The following AKAP13 variants were observed in gnomAD, a reference collection of about 807,000 sequenced individuals.
The protein encoded by AKAP13 is A-kinase anchor protein 13.
A neutral mutation model predicts 264.5 loss-of-function variants in AKAP13; 80 were observed. The observed-to-expected ratio is 0.30, with a 90% confidence interval of 0.25 to 0.36. The LOEUF (loss-of-function observed/expected upper bound fraction) is 0.36, where lower values mean the gene tolerates loss of function less well. Among genes scored for constraint, AKAP13 ranks in the 10% least tolerant of loss-of-function variants. The pLI is 1.00. For synonymous variants in AKAP13, 1,380 were observed against 1,250.2 expected (o/e 1.10, Z -2.19); for missense variants, 3,712 against 3,435.2 (o/e 1.08, Z -2.01).
chr15:85,482,119 G>A lies in AKAP13; in HGVS notation c.-11-3591G>A, dbSNP rs1173506262. Among the ~76,000 whole-genome samples, 11 of 152,322 alleles carry A rather than the reference G, an allele frequency of 7.2e-5. No homozygotes were observed. In the East Asian group the frequency reaches 1.9e-3, roughly 27 times the overall value. On this transcript the variant is annotated intron_variant, in intron 1 of 36. Transcript: ENST00000394518. ...GTTTAAATGTATAAAATAAGTTAATGCATTATATGCAGCGAGGTTTTGCAT... is the reference window on the plus strand; with the variant it reads ...GTTTAAATGTATAAAATAAGTTAATACATTATATGCAGCGAGGTTTTGCAT...
chr15:85,579,601 T>C lies in AKAP13; in HGVS notation c.1533T>C (p.Ser511=). 6.2e-7 allele frequency: 1 copy of C among 1,614,224 alleles called. No individual in the cohort carries two copies. Among genetic ancestry groups the C allele is most frequent in the Non-Finnish European group, 8.5e-7 (1 of 1,180,030 alleles). The change falls in exon 7 of 37, where the codon TCT becomes TCC. Residue 511 remains serine, a synonymous_variant. Coordinates refer to ENST00000394518, the MANE Select transcript of AKAP13 (RefSeq NM_007200.5). ...GESTKERFEN[S]NIGTAGASDV... is the part of the protein sequence containing the mutation. ...GTACAAAGGAAAGATTTGAGAACTC[T>C]AATATTGGCACAGCTGGAGCCTCTG... is the stretch of plus-strand genomic sequence containing the variant.
intron 1 of AKAP13, among the ~76,000 whole-genome samples, chr15:85,384,156 A>G (rs910299828): frequency 1.3e-5 from 2 of 152,222 alleles, no homozygotes; most frequent in African/African-American, 4.8e-5. Flanking sequence ...TATTTGATCA[A>G]ACTTACAGAT....
intron 8 of AKAP13, among the ~76,000 whole-genome samples, chr15:85,596,550 C>T (rs917899452): frequency 2.0e-5 from 3 of 151,980 alleles, no homozygotes; most frequent in African/African-American, 7.3e-5. Flanking sequence ...TGCCACTGCA[C>T]CCTAGTCTGG....
intron 10 of AKAP13, among the ~76,000 whole-genome samples, chr15:85,649,343 T>C (rs2082699067): frequency 6.6e-6 from 1 of 152,192 alleles, no homozygotes; most frequent in South Asian, 2.1e-4. Context: ...CCTGCTCTAA[T>C]AGCCAGTGAT....
intron 1 of AKAP13, among the ~76,000 whole-genome samples, chr15:85,422,535 G>A (rs2072571289): frequency 6.6e-6 from 1 of 152,216 alleles, no homozygotes. Flanking sequence ...AATTTGAACA[G>A]AGGTTTTTTG....
At chr15:85,628,292 C>T (rs996519688) in intron 8 of AKAP13, among the ~76,000 whole-genome samples, 1 of 152,142 alleles carries the variant, frequency 6.6e-6, no homozygotes, top group Admixed American at 6.6e-5. Context: ...ATTGCTGTAC[C>T]TTAACCTGGT....
intron 1 of AKAP13, among the ~76,000 whole-genome samples, chr15:85,414,333 A>G (rs2072130574): frequency 6.6e-6 from 1 of 152,212 alleles, no homozygotes; most frequent in Admixed American, 6.5e-5. Context: ...GTTTTTGAAA[A>G]TGAGGGACAA....
intron 30 of AKAP13, among the ~76,000 whole-genome samples, chr15:85,730,997 C>CT (rs71468134): frequency 0.26 from 15,018 of 57,838 alleles, 1,720 homozygotes; most frequent in African/African-American, 0.33. Flanking sequence ...GTCACTTATG[C>CT]TTTTTTTTTT....
At chr15:85,600,885 C>T (rs572694722) in intron 8 of AKAP13, among the ~76,000 whole-genome samples, 1 of 152,134 alleles carries the variant, frequency 6.6e-6, no homozygotes, top group Non-Finnish European at 1.5e-5. Flanking sequence ...GTGGGAAGAC[C>T]CTCTTACAAT....
At chr15:85,435,478 A>G (rs1209329568) in intron 1 of AKAP13, among the ~76,000 whole-genome samples, 3 of 91,542 alleles carry the variant, frequency 3.3e-5, no homozygotes, top group African/African-American at 1.4e-4. Context: ...CCACAAAGAT[A>G]CTCCTCGAGA....
chr15:85,537,684 A>G (rs1307623867), intron 4 of AKAP13, among the ~76,000 whole-genome samples: 1 of 152,234 alleles, frequency 6.6e-6, no homozygotes, highest in East Asian at 1.9e-4. Flanking sequence ...CATTGGAGTC[A>G]GTTTGTTTGC....
chr15:85,408,729 A>G (rs953361097), intron 1 of AKAP13, among the ~76,000 whole-genome samples: 2 of 151,924 alleles, frequency 1.3e-5, no homozygotes, highest in African/African-American at 2.4e-5. Context: ...TCATCCACCA[A>G]TGGACACTAG....
chr15:85,590,842 AATAT>A (rs1342470936), intron 8 of AKAP13, among the ~76,000 whole-genome samples: 3 of 152,144 alleles, frequency 2.0e-5, no homozygotes, highest in African/African-American at 7.2e-5. Context: ...TTAGTGAGTT[AATAT>A]ATATCAAGTA....
Position 85,579,831 on chromosome 15 carries a change from T to A in AKAP13, c.1763T>A (p.Val588Glu). 1 of 1,614,200 alleles carries A rather than the reference T, an allele frequency of 6.2e-7. No individual in the cohort carries two copies. The highest frequency in any genetic ancestry group is 1.7e-5 in the Admixed American group (1 of 60,024). Residue 588 changes from valine to glutamate, a missense_variant, in exon 7 of 37, where the codon GTG (valine) becomes GAG (glutamate). By Grantham distance (121) the Val-to-Glu change is moderately radical. Around this residue, in one of 3 missense-constraint regions of AKAP13, gnomAD observed 2,759 missense variants for 2,411.7 expected, o/e 1.14. Transcript: ENST00000394518. The stretch of plus-strand genomic sequence containing the variant: ...GCTCCAGTAGATCAGAATTCTGTGG[T>A]GATTCCAGCTGCTGCAAAAGACAAG... Reference protein sequence around the residue: ...ADAPVDQNSVVIPAAAKDKIS... With the variant: ...ADAPVDQNSVEIPAAAKDKIS...
At chr15:85,447,943 C>G (rs1023727275) in intron 1 of AKAP13, among the ~76,000 whole-genome samples, 2 of 152,188 alleles carry the variant, frequency 1.3e-5, no homozygotes, top group African/African-American at 2.4e-5. Context: ...TGAGGAATCG[C>G]TATACTGCTT....
intron 5 of AKAP13, among the ~76,000 whole-genome samples, chr15:85,556,825 A>G (rs1416873587): frequency 1.3e-5 from 2 of 152,210 alleles, no homozygotes; most frequent in Non-Finnish European, 2.9e-5. Flanking sequence ...TCACCTCCTC[A>G]GAAAGCTCTT....
intron 5 of AKAP13, chr15:85,544,173 T>A: frequency 1.5e-6 from 1 of 685,574 alleles, no homozygotes; most frequent in Admixed American, 2.0e-5. Context: ...TTCTCTCTCG[T>A]CTGCCTGCCT....
intron 9 of AKAP13, 101 bp from the exon 10 acceptor site, chr15:85,645,717 T>G (rs1331654663): frequency 7.9e-7 from 1 of 1,266,360 alleles, no homozygotes. Flanking sequence ...GAGAGAGATT[T>G]AAAAGACTGG....
chr15:85,438,405 C>T (rs981266706), intron 1 of AKAP13, among the ~76,000 whole-genome samples: 1 of 151,658 alleles, frequency 6.6e-6, no homozygotes, highest in Non-Finnish European at 1.5e-5. Flanking sequence ...AGGTAATTTA[C>T]AGATTCAACT....
Sources: gnomAD v4.1 joint callset for allele counts (sites outside exome capture counted in the v4.1 genomes callset) on GRCh38, gnomAD v4.1.1 for gene constraint, gnomAD v4.1.1 regional missense constraint, MANE v1.5 for transcripts, NCBI Gene and HGNC (gene_info 2026-07-23, HGNC 2026-07-21) for gene names.